Variants in LRRC7 observed in about 807,000 individuals in gnomAD.
LRRC7 encodes the protein leucine-rich repeat-containing protein 7.
Under a neutral mutation model 175.7 loss-of-function variants are expected in LRRC7, and 23 were observed. That is an observed-to-expected ratio of 0.13 (90% CI 0.09 to 0.19). LRRC7 has a LOEUF of 0.19. Ranked by LOEUF, LRRC7 falls within the 10% of genes least tolerant of loss-of-function variation. The pLI, the probability that LRRC7 is intolerant of heterozygous loss-of-function variation, is 1.00. For missense variants in LRRC7, 1,354 were observed against 1,904.7 expected, an observed-to-expected ratio of 0.71 and a Z score of 5.38; for synonymous variants, 685 against 680.9, an observed-to-expected ratio of 1.01 and a Z score of -0.09.
At chr1:69,686,187 C>A (rs185005936) in intron 2 of LRRC7, among the ~76,000 whole-genome samples, 59 of 152,202 alleles carry the variant, frequency 3.9e-4, no homozygotes, top group Non-Finnish European at 6.8e-4. Flanking sequence ...GAAATAAAAT[C>A]ACTCTCAGCA....
At chr1:69,951,379 A>T (rs2101822763) in intron 8 of LRRC7, among the ~76,000 whole-genome samples, 1 of 152,118 alleles carries the variant, frequency 6.6e-6, no homozygotes, top group Non-Finnish European at 1.5e-5. Flanking sequence ...AAGCAGTATC[A>T]CAAGTCCTCA....
At chr1:69,781,486 A>G (rs1384358788) in intron 3 of LRRC7, among the ~76,000 whole-genome samples, 2 of 151,532 alleles carry the variant, frequency 1.3e-5, no homozygotes, top group Non-Finnish European at 2.9e-5. Context: ...GGTCGAGACT[A>G]GGCTGACCAT....
At chr1:69,975,161 C>T (rs142443901) in intron 8 of LRRC7, among the ~76,000 whole-genome samples, 2 of 152,244 alleles carry the variant, frequency 1.3e-5, no homozygotes, top group East Asian at 1.9e-4. Context: ...AGAGAAATTT[C>T]AGAGGTATGA....
At chr1:70,099,893 A>T (rs115027635) in intron 25 of LRRC7, among the ~76,000 whole-genome samples, 25 of 152,302 alleles carry the variant, frequency 1.6e-4, no homozygotes, top group African/African-American at 5.5e-4. Context: ...GCTTTAAAGG[A>T]TTTATAAAAT....
intron 14 of LRRC7, among the ~76,000 whole-genome samples, chr1:70,017,856 G>C (rs1657101424): frequency 6.6e-6 from 1 of 151,974 alleles, no homozygotes; most frequent in Non-Finnish European, 1.5e-5. Flanking sequence ...TGTGAACTAT[G>C]CTAATGTAAT....
At chr1:69,661,284 A>G (rs1239574879) in intron 1 of LRRC7, among the ~76,000 whole-genome samples, 1 of 152,120 alleles carries the variant, frequency 6.6e-6, no homozygotes, top group Non-Finnish European at 1.5e-5. Context: ...TTTCCCAAGA[A>G]CCTATCTTCC....
rs1157627216 is a variant in LRRC7, at chr1:69,986,300, C to G, written c.845C>G (p.Thr282Arg). The stretch of plus-strand genomic sequence containing the variant: ...GATATGTCAAAAAACAGAATAGAAA[C>G]AGTTGACATGGACATTTCTGGATGT... ...YLDMSKNRIE[T>R]VDMDISGCEA... The change falls in exon 10 of 27, where the codon ACA becomes AGA. Residue 282 changes from threonine (T) to arginine (R), a missense_variant. Physicochemically the swap from Thr to Arg is moderately conservative, Grantham distance 71 (BLOSUM62 -1). This residue lies in a region of LRRC7 where 201 missense variants were observed against 481.4 expected (regional missense o/e 0.42). Transcript: ENST00000651989. 5 of 1,613,182 alleles carry G rather than the reference C, an allele frequency of 3.1e-6. No homozygotes were observed. Among genetic ancestry groups the G allele is most frequent in the Non-Finnish European group, 4.2e-6 (5 of 1,179,526 alleles).
At chr1:69,868,922 C>CATATATAT (rs141732988) in intron 7 of LRRC7, among the ~76,000 whole-genome samples, 105 of 148,606 alleles carry the variant, frequency 7.1e-4, no homozygotes, top group African/African-American at 2.1e-3. Flanking sequence ...TACATATGTA[C>CATATATAT]ATATATATAT....
At chr1:69,852,625 A>G (rs550579283) in intron 7 of LRRC7, among the ~76,000 whole-genome samples, 1 of 152,272 alleles carries the variant, frequency 6.6e-6, no homozygotes, top group African/African-American at 2.4e-5. Flanking sequence ...AAATGTTGGC[A>G]ATGTAATAAC....
chr1:69,838,102 GT>G (rs1222088341), intron 6 of LRRC7, 124 bp from the exon 7 acceptor site: 20 of 576,408 alleles, frequency 3.5e-5, no homozygotes, highest in Non-Finnish European at 5.8e-5. Flanking sequence ...TACTTTTTTA[GT>G]TATTTTTAAA....
chr1:69,972,406 T>C lies in LRRC7; in HGVS notation c.712-7973T>C, dbSNP rs114170525. Among the ~76,000 whole-genome samples, 1,059 of 152,112 alleles carry C rather than the reference T, an allele frequency of 7.0e-3. 12 individuals carry two copies. Among genetic ancestry groups the C allele is most frequent in the African/African-American group, 0.024 (1,010 of 41,508 alleles). ...CTAATGTGCAGAATCTACAACAAAC[T>C]CAAACTAATTAGCAAGAAAACAAAC... On this transcript the variant is annotated intron_variant, in intron 8 of 26. Coordinates refer to ENST00000651989, the MANE Select transcript of LRRC7 (RefSeq NM_001370785.2).
Position 70,135,204 on chromosome 1 carries a change from A to G in LRRC7, c.*13317A>G, listed in dbSNP as rs887992403. On this transcript the variant is annotated 3_prime_UTR_variant, in exon 27 of 27. Coordinates refer to ENST00000651989, the MANE Select transcript of LRRC7 (RefSeq NM_001370785.2). ...TCTTTGTCTTCTATGGATAATCTTAATTTTTTATTCCTAGGAGCAACCTCT... is the reference window on the plus strand; with the variant it reads ...TCTTTGTCTTCTATGGATAATCTTAGTTTTTTATTCCTAGGAGCAACCTCT... Among the ~76,000 whole-genome samples, 4 of 151,762 alleles carry G rather than the reference A, an allele frequency of 2.6e-5. No individual in the cohort carries two copies. Among genetic ancestry groups the G allele is most frequent in the Non-Finnish European group, 5.9e-5 (4 of 67,972 alleles).
At chr1:69,678,282 A>G in intron 1 of LRRC7, 99 bp from the exon 2 acceptor site, 1 of 834,748 alleles carries the variant, frequency 1.2e-6, no homozygotes, top group Non-Finnish European at 1.9e-6. Flanking sequence ...GGTGTTGTCT[A>G]GCAAAGTTCT....
At chr1:70,003,426 C>T (rs1186748402) in intron 11 of LRRC7, among the ~76,000 whole-genome samples, 1 of 151,974 alleles carries the variant, frequency 6.6e-6, no homozygotes, top group African/African-American at 2.4e-5. Context: ...GTGACAGAGT[C>T]CTGAAGAATA....
chr1:69,977,879 A>G (rs1248006976), intron 8 of LRRC7, among the ~76,000 whole-genome samples: 1 of 152,242 alleles, frequency 6.6e-6, no homozygotes, highest in Non-Finnish European at 1.5e-5. Flanking sequence ...TGTTAAAATA[A>G]CATAATCTAA....
rs1407437476 is a variant in LRRC7 at position 69,980,400 on chromosome 1, C to G, written c.733C>G (p.Gln245Glu). Residue 245 changes from glutamine to glutamate, a missense_variant, in exon 9 of 27, where the codon CAA becomes GAA. By Grantham distance (29) the Gln-to-Glu change is conservative. Around this residue, in one of 4 missense-constraint regions of LRRC7, gnomAD observed 201 missense variants for 481.4 expected, o/e 0.42. Transcript: ENST00000651989. ...GELPEVLDQI[Q>E]NLRELWMDNN... ...CCAGCCTGAAGTTCTGGATCAAATA[C>G]AAAATTTGAGGGAGTTATGGATGGA... 3 of 1,612,148 alleles carry G rather than the reference C, an allele frequency of 1.9e-6. No individual in the cohort carries two copies. Among genetic ancestry groups the G allele is most frequent in the Admixed American group, 1.7e-5 (1 of 59,736 alleles).
chr1:69,930,291 A>T (rs12756122), intron 7 of LRRC7, among the ~76,000 whole-genome samples: 1 of 151,876 alleles, frequency 6.6e-6, no homozygotes, highest in Admixed American at 6.6e-5. Flanking sequence ...AGAGTACATA[A>T]TTTTTTTGCA....
intron 7 of LRRC7, among the ~76,000 whole-genome samples, chr1:69,865,738 C>G (rs1186244960): frequency 6.6e-6 from 1 of 151,934 alleles, no homozygotes; most frequent in Non-Finnish European, 1.5e-5. Context: ...CCTCAGCCTC[C>G]CAAAGTGCTG....
intron 1 of LRRC7, among the ~76,000 whole-genome samples, chr1:69,655,014 GCAATGTT>G (rs1557551698): frequency 1.3e-5 from 2 of 152,052 alleles, no homozygotes; most frequent in Non-Finnish European, 2.9e-5. Flanking sequence ...CTAAGCTGGT[GCAATGTT>G]CTATATCTCG....
Sources: gnomAD v4.1 joint callset for allele counts (sites outside exome capture counted in the v4.1 genomes callset) on GRCh38, gnomAD v4.1.1 for gene constraint, gnomAD v4.1.1 regional missense constraint, MANE v1.5 for transcripts, NCBI Gene and HGNC (gene_info 2026-07-23, HGNC 2026-07-21) for gene names.